WASHC5: variants seen among roughly 807,000 people sequenced by gnomAD.
The protein encoded by WASHC5 is WASH complex subunit strumpellin.
A neutral mutation model predicts 150.4 loss-of-function variants in WASHC5; 101 were observed. That is an observed-to-expected ratio of 0.67 (90% confidence interval 0.57 to 0.79). The LOEUF is 0.79. Among genes scored for constraint, WASHC5 ranks in the 30% least tolerant of loss-of-function variants. The probability of loss-of-function intolerance (pLI) is 0.00; values close to 1 mark genes in which losing one functional copy is unlikely to be tolerated. For synonymous variants in WASHC5, 467 were observed against 491.2 expected (o/e 0.95, Z 0.65); for missense variants, 1,195 against 1,396.3 (o/e 0.86, Z 2.30).
chr8:125,078,668 GTAA>G (rs758411472), intron 6 of WASHC5, 67 bp downstream of exon 6: 73 of 1,237,968 alleles, frequency 5.9e-5, no homozygotes, highest in Non-Finnish European at 8.0e-5. Flanking sequence ...AAGGAAAGGA[GTAA>G]TTAAAGAGGG....
At chr8:125,043,685 T>A (rs930396385) in intron 23 of WASHC5, 140 bp downstream of exon 23, 25 of 679,736 alleles carry the variant, frequency 3.7e-5, no homozygotes, top group African/African-American at 3.1e-4. Context: ...AATTTTAAAA[T>A]GATAAACTGA....
chr8:125,076,091 G>T (rs898442209), intron 7 of WASHC5, among the ~76,000 whole-genome samples: 1 of 152,176 alleles, frequency 6.6e-6, no homozygotes, highest in Non-Finnish European at 1.5e-5. Flanking sequence ...TAAAGCAAGA[G>T]ACATTTTAAT....
chr8:125,079,315 T>C (rs28653090), intron 5 of WASHC5, among the ~76,000 whole-genome samples: 18,994 of 147,830 alleles, frequency 0.13, 2,982 homozygotes, highest in African/African-American at 0.38. Flanking sequence ...CTCAGCCTCC[T>C]GAGTAACTGG....
chr8:125,090,578 T>C (rs7357375), intron 1 of WASHC5, among the ~76,000 whole-genome samples: 41,034 of 152,114 alleles, frequency 0.27, 6,483 homozygotes, highest in African/African-American at 0.41. Context: ...TCATTTTTAA[T>C]AATTTGGCGT....
At chr8:125,076,654 C>A (rs1311369020) in intron 6 of WASHC5, among the ~76,000 whole-genome samples, 154 bp from the exon 7 acceptor site, 1 of 151,388 alleles carries the variant, frequency 6.6e-6, no homozygotes, top group African/African-American at 2.4e-5. Context: ...TCAGACTGTA[C>A]CATTGCTTGC....
chr8:125,043,261 G>A (rs75243091), intron 23 of WASHC5, among the ~76,000 whole-genome samples: 1,794 of 152,276 alleles, frequency 0.012, 31 homozygotes, highest in African/African-American at 0.041. Context: ...TCCTACTGCC[G>A]AGTAAAGGCA....
chr8:125,085,780 G>A (rs1002960388), intron 1 of WASHC5, among the ~76,000 whole-genome samples: 1 of 152,174 alleles, frequency 6.6e-6, no homozygotes, highest in Non-Finnish European at 1.5e-5. Flanking sequence ...AGAAGGAAGC[G>A]AGAAAGACTT....
chr8:125,078,992 C>A, intron 5 of WASHC5, 62 bp from the exon 6 acceptor site: 1 of 1,388,526 alleles, frequency 7.2e-7, no homozygotes, highest in South Asian at 1.2e-5. Flanking sequence ...ACTGAAAAGT[C>A]CAATAAAGTA....
intron 26 of WASHC5, among the ~76,000 whole-genome samples, chr8:125,035,592 G>A (rs1258838506): frequency 2.0e-5 from 3 of 152,174 alleles, no homozygotes; most frequent in Non-Finnish European, 4.4e-5. Flanking sequence ...CGGTGACTTG[G>A]CCAAAGTCAC....
intron 12 of WASHC5, 24 bp from the exon 13 acceptor site, chr8:125,059,566 T>C: frequency 6.3e-7 from 1 of 1,598,646 alleles, no homozygotes; most frequent in African/African-American, 1.3e-5. Flanking sequence ...ATATACTTAA[T>C]TTAAAAATCC....
chr8:125,031,283 TA>T (rs1480145640), intron 27 of WASHC5, among the ~76,000 whole-genome samples: 2 of 152,196 alleles, frequency 1.3e-5, no homozygotes, highest in South Asian at 2.1e-4. Context: ...TGGTTCGTTT[TA>T]TTTTTTTTGA....
rs1175797769 is a variant in WASHC5 at position 125,024,416 on chromosome 8, T to C, written c.*201A>G. ...CTGCTTTTATCTGATATAAATTGCATGTAATACCATGATTTAAACAATATC... is the reference window on the plus strand; with the variant it reads ...CTGCTTTTATCTGATATAAATTGCACGTAATACCATGATTTAAACAATATC... On this transcript the variant is annotated 3_prime_UTR_variant, in exon 29 of 29. Transcript: ENST00000318410. 25 of 619,870 alleles carry C rather than the reference T, an allele frequency of 4.0e-5. No homozygotes were observed. Among genetic ancestry groups the C allele is most frequent in the Non-Finnish European group, 6.1e-5 (21 of 341,538 alleles). 38.4% of individuals were successfully genotyped at this position (619,870 alleles called of 1,614,324 possible).
intron 1 of WASHC5, among the ~76,000 whole-genome samples, chr8:125,089,425 T>C (rs888329564): frequency 6.6e-6 from 1 of 152,182 alleles, no homozygotes; most frequent in African/African-American, 2.4e-5. Flanking sequence ...AATCTCATAA[T>C]GTTTTAAGCA....
At chr8:125,083,653 C>T (rs1282735520) in intron 2 of WASHC5, 60 bp downstream of exon 2, 1 of 1,355,094 alleles carries the variant, frequency 7.4e-7, no homozygotes, top group East Asian at 2.4e-5. Flanking sequence ...TTCATGGTTC[C>T]CAGAGAAAAC....
chr8:125,029,962 G>A (rs1326132637), intron 27 of WASHC5, among the ~76,000 whole-genome samples: 1 of 152,168 alleles, frequency 6.6e-6, no homozygotes, highest in East Asian at 1.9e-4. Context: ...TGGAGCAAGA[G>A]AAAGGAAGGA....
chr8:125,050,566 T>C lies in WASHC5; in HGVS notation c.2197A>G (p.Lys733Glu), dbSNP rs1816209682. ...GGCCCACTCTGGTCACTGGGTACCT[T>C]GGCTCGAGGGTTGAATATCAGTCCC... ...HRGLIFNPRA[K>E]PSELMPKLKE... The change falls in exon 18 of 29, where the codon AAG (lysine) becomes GAG (glutamate). Residue 733 changes from lysine to glutamate, a missense_variant and splice_region_variant. Transcript: ENST00000318410. 4 of 1,612,918 alleles carry C rather than the reference T, an allele frequency of 2.5e-6. No homozygotes were observed. The highest frequency in any genetic ancestry group is 3.4e-6 in the Non-Finnish European group (4 of 1,179,010).
At chr8:125,030,870 C>A (rs1358608810) in intron 27 of WASHC5, among the ~76,000 whole-genome samples, 3 of 152,004 alleles carry the variant, frequency 2.0e-5, no homozygotes, top group Non-Finnish European at 4.4e-5. Flanking sequence ...TGCAAGACAT[C>A]GGGAACAGGT....
intron 25 of WASHC5, 35 bp from the exon 26 acceptor site, chr8:125,037,368 A>G: frequency 8.3e-7 from 1 of 1,203,012 alleles, no homozygotes; most frequent in Non-Finnish European, 1.2e-6. Flanking sequence ...TAGATGGTTA[A>G]ATCACATTGC....
At chr8:125,045,344 C>T (rs149813725) in intron 20 of WASHC5, among the ~76,000 whole-genome samples, 2 of 152,172 alleles carry the variant, frequency 1.3e-5, no homozygotes, top group African/African-American at 4.8e-5. Flanking sequence ...GCTATTTCAT[C>T]CTCATAATAG....
Sources: gnomAD v4.1 joint callset for allele counts (sites outside exome capture counted in the v4.1 genomes callset) on GRCh38, gnomAD v4.1.1 for gene constraint, MANE v1.5 for transcripts, NCBI Gene and HGNC (gene_info 2026-07-23, HGNC 2026-07-21) for gene names.